Variants in ADGRL2 observed in about 807,000 individuals in gnomAD.
ADGRL2 encodes adhesion G protein-coupled receptor L2.
A neutral mutation model predicts 157.4 loss-of-function variants in ADGRL2; 44 were observed. The ratio of observed to expected loss-of-function variants is 0.28; its 90% confidence interval spans 0.22 to 0.36. The LOEUF (loss-of-function observed/expected upper bound fraction) is 0.36, where lower values mean the gene tolerates loss of function less well. Among genes scored for constraint, ADGRL2 ranks in the 10% least tolerant of loss-of-function variants. ADGRL2 has a pLI of 1.00. For synonymous variants in ADGRL2, 585 were observed against 624.7 expected, an observed-to-expected ratio of 0.94 and a Z score of 0.95; for missense variants, 1,510 against 1,768.9, an observed-to-expected ratio of 0.85 and a Z score of 2.63.
At chr1:81,473,060 C>T (rs916693423) in intron 2 of ADGRL2, among the ~76,000 whole-genome samples, 1 of 106,466 alleles carries the variant, frequency 9.4e-6, no homozygotes, top group Non-Finnish European at 2.4e-5. Context: ...TCAATGTAAG[C>T]AAATTAGAGA....
chr1:81,310,898 G>A (rs1659708863), intron 1 of ADGRL2, among the ~76,000 whole-genome samples: 1 of 151,108 alleles, frequency 6.6e-6, no homozygotes, highest in Admixed American at 6.6e-5. Context: ...AGAGGATGGT[G>A]ATTTTGAGTC....
At chr1:81,550,913 C>G (rs763899267) in intron 2 of ADGRL2, among the ~76,000 whole-genome samples, 2 of 151,840 alleles carry the variant, frequency 1.3e-5, no homozygotes, top group East Asian at 1.9e-4. Flanking sequence ...AGAGTCAAAA[C>G]AGGAAGAACA....
chr1:81,343,868 C>A (rs540880306), intron 1 of ADGRL2, among the ~76,000 whole-genome samples: 1 of 152,262 alleles, frequency 6.6e-6, no homozygotes, highest in South Asian at 2.1e-4. Context: ...CCTCCTAATA[C>A]CATACCCCTA....
intron 1 of ADGRL2, chr1:81,426,349 GA>G: frequency 3.7e-6 from 1 of 271,094 alleles, no homozygotes; most frequent in Non-Finnish European, 7.2e-6. Context: ...AAAGGGCAGA[GA>G]AAGTTAGAGA....
At chr1:81,826,279 G>A (rs752923923) in intron 1 of ADGRL2, among the ~76,000 whole-genome samples, 17 of 152,152 alleles carry the variant, frequency 1.1e-4, no homozygotes, top group Non-Finnish European at 4.4e-5. Context: ...TTATAAGTTA[G>A]CAATTGAAGG....
chr1:81,631,200 C>A (rs2082004122), intron 3 of ADGRL2, among the ~76,000 whole-genome samples: 2 of 151,992 alleles, frequency 1.3e-5, no homozygotes, highest in South Asian at 4.2e-4. Flanking sequence ...ACCAACCGAC[C>A]TTCTTTTCTT....
chr1:81,930,197 A>G (rs1405552635), intron 3 of ADGRL2, among the ~76,000 whole-genome samples: 1 of 152,200 alleles, frequency 6.6e-6, no homozygotes, highest in African/African-American at 2.4e-5. Context: ...TAGAGTTTTA[A>G]AAGATTAAGG....
chr1:81,655,675 TCTC>T, intron 3 of ADGRL2, among the ~76,000 whole-genome samples: 1 of 152,314 alleles, frequency 6.6e-6, no homozygotes, highest in Non-Finnish European at 1.5e-5. Flanking sequence ...TCAGTGGTGA[TCTC>T]AGCCTCTTGA....
At chr1:81,473,012 A>G (rs2078202452) in intron 2 of ADGRL2, among the ~76,000 whole-genome samples, 1 of 152,094 alleles carries the variant, frequency 6.6e-6, no homozygotes, top group South Asian at 2.1e-4. Flanking sequence ...TTTTCTCCAC[A>G]ATTAGGACCC....
At chr1:81,540,302 GA>G (rs1271477298) in intron 2 of ADGRL2, among the ~76,000 whole-genome samples, 1 of 151,990 alleles carries the variant, frequency 6.6e-6, no homozygotes, top group Non-Finnish European at 1.5e-5. Context: ...GAATTTAATG[GA>G]AAAAAAATTT....
intron 2 of ADGRL2, chr1:81,502,386 T>A: frequency 6.2e-7 from 1 of 1,613,862 alleles, no homozygotes; most frequent in Non-Finnish European, 8.5e-7. Context: ...GGAAGAGAGA[T>A]CTCTCGAGAT....
chr1:81,330,861 T>A (rs1260399160), intron 1 of ADGRL2, among the ~76,000 whole-genome samples: 1 of 152,200 alleles, frequency 6.6e-6, no homozygotes, highest in Non-Finnish European at 1.5e-5. Flanking sequence ...TGAGAAAATA[T>A]GAACGTTGCT....
At chr1:81,363,710 G>A (rs2076017559) in intron 1 of ADGRL2, among the ~76,000 whole-genome samples, 2 of 152,018 alleles carry the variant, frequency 1.3e-5, no homozygotes, top group East Asian at 1.9e-4. Context: ...ATTGTGTTTT[G>A]TTGATTTTTT....
Position 81,888,152 on chromosome 1 carries a change from A to G in ADGRL2, c.74-18865A>G, listed in dbSNP as rs139004115. Among the ~76,000 whole-genome samples, 566 of 152,314 alleles carry G rather than the reference A, an allele frequency of 3.7e-3. 8 individuals are homozygous for G. Among genetic ancestry groups the G allele is most frequent in the South Asian group, 0.031 (148 of 4,820 alleles). ...TTGAACTCAAGTAGAGAAAAATTCA[A>G]GGTATGGAGACAATAAGTTACAAGA... On this transcript the variant is annotated intron_variant, in intron 2 of 23. Coordinates refer to ENST00000686636, the MANE Select transcript of ADGRL2 (RefSeq NM_001366006.2).
chr1:81,537,267 T>C (rs1414567429), intron 2 of ADGRL2, among the ~76,000 whole-genome samples: 1 of 152,086 alleles, frequency 6.6e-6, no homozygotes, highest in Non-Finnish European at 1.5e-5. Flanking sequence ...ACAGTATGAC[T>C]ATTTCTTTTT....
At chr1:81,433,146 G>T (rs542959079) in intron 1 of ADGRL2, among the ~76,000 whole-genome samples, 1 of 152,084 alleles carries the variant, frequency 6.6e-6, no homozygotes, top group Non-Finnish European at 1.5e-5. Flanking sequence ...TGTATGCCAA[G>T]AAATTTGATT....
Position 81,837,072 on chromosome 1 carries a change from A to G in ADGRL2, c.73+15A>G. On this transcript the variant is annotated intron_variant, in intron 2 of 23. Coordinates refer to ENST00000686636, the MANE Select transcript of ADGRL2 (RefSeq NM_001366006.2). ...AAATACAGAAGGTAAGATCCAGTTT[A>G]CATTTTGTTTTTTAAATCCAGGAGA... The G allele has an allele frequency of 6.5e-7, 1 of 1,532,674 alleles. No individual in the cohort carries two copies. Among genetic ancestry groups the G allele is most frequent in the Non-Finnish European group, 8.8e-7 (1 of 1,131,334 alleles). 94.9% of individuals were successfully genotyped at this position (1,532,674 alleles called of 1,614,324 possible).
intron 22 of ADGRL2, 122 bp downstream of exon 22, chr1:81,987,151 TA>T (rs1346321164): frequency 6.7e-5 from 92 of 1,367,536 alleles, no homozygotes; most frequent in Admixed American, 2.0e-4. Context: ...ATTTCTCAGT[TA>T]AAAAAAATTA....
intron 2 of ADGRL2, among the ~76,000 whole-genome samples, chr1:81,871,192 T>C (rs1385124495): frequency 6.6e-6 from 1 of 151,168 alleles, no homozygotes; most frequent in Non-Finnish European, 1.5e-5. Flanking sequence ...GTGTTTGGTT[T>C]TCTGTCCTTG....
Sources: allele counts gnomAD v4.1 joint callset (sites outside exome capture counted in the v4.1 genomes callset), GRCh38; gene constraint gnomAD v4.1.1; transcripts MANE v1.5; gene names NCBI Gene and HGNC (gene_info 2026-07-23, HGNC 2026-07-21).